The following CNTNAP2 variants were observed in gnomAD, a reference collection of about 807,000 sequenced individuals.
CNTNAP2 encodes contactin associated protein 2, also known as contactin-associated protein-like 2.
CNTNAP2 carries 98 observed loss-of-function variants against 155.2 expected under a neutral mutation model. The observed-to-expected ratio is 0.63, with a 90% CI of 0.54 to 0.75. The LOEUF (loss-of-function observed/expected upper bound fraction) is 0.75, where lower values mean the gene tolerates loss of function less well. Among genes scored for constraint, CNTNAP2 ranks in the 30% least tolerant of loss-of-function variants. The probability of loss-of-function intolerance (pLI) is 0.00; values close to 1 mark genes in which losing one functional copy is unlikely to be tolerated. For missense variants in CNTNAP2, 1,727 were observed against 1,688.1 expected, an observed-to-expected ratio of 1.02 and a Z score of -0.40; for synonymous variants, 651 against 631.2, an observed-to-expected ratio of 1.03 and a Z score of -0.47.
chr7:146,303,211 A>G (rs1391578155), intron 1 of CNTNAP2, among the ~76,000 whole-genome samples: 1 of 152,010 alleles, frequency 6.6e-6, no homozygotes, highest in Non-Finnish European at 1.5e-5. Flanking sequence ...AGAACACTAT[A>G]GGAAATGACA....
intron 8 of CNTNAP2, among the ~76,000 whole-genome samples, chr7:147,162,933 T>C (rs908262142): frequency 2.0e-5 from 3 of 152,174 alleles, no homozygotes; most frequent in Non-Finnish European, 4.4e-5. Flanking sequence ...GTTGTGTTCA[T>C]GTCTGCTCCA....
At chr7:146,821,625 G>C (rs1803285655) in intron 2 of CNTNAP2, among the ~76,000 whole-genome samples, 1 of 151,780 alleles carries the variant, frequency 6.6e-6, no homozygotes, top group African/African-American at 2.4e-5. Context: ...AAATTTACAA[G>C]AAAAAAACAA....
chr7:147,102,233 C>T (rs1800670727), intron 4 of CNTNAP2, among the ~76,000 whole-genome samples: 1 of 137,962 alleles, frequency 7.2e-6, no homozygotes, highest in Admixed American at 7.7e-5. Flanking sequence ...CTGCACAAAG[C>T]TCTATATTTC....
chr7:147,348,915 A>T (rs1339769808), intron 9 of CNTNAP2, among the ~76,000 whole-genome samples: 2 of 152,018 alleles, frequency 1.3e-5, no homozygotes, highest in Non-Finnish European at 2.9e-5. Flanking sequence ...GTTCTCACTC[A>T]TAAGTGCAAG....
intron 5 of CNTNAP2, among the ~76,000 whole-genome samples, chr7:147,114,646 T>C (rs1429768100): frequency 6.6e-6 from 1 of 152,230 alleles, no homozygotes; most frequent in African/African-American, 2.4e-5. Context: ...TGCTTTTTTC[T>C]GTTTTCCATT....
chr7:146,283,833 T>TA (rs1336476955), intron 1 of CNTNAP2, among the ~76,000 whole-genome samples: 1 of 152,158 alleles, frequency 6.6e-6, no homozygotes, highest in Non-Finnish European at 1.5e-5. Context: ...ATGGGTTGAC[T>TA]ACACACCTAT....
intron 18 of CNTNAP2, among the ~76,000 whole-genome samples, chr7:148,172,789 A>T (rs1448794735): frequency 6.6e-6 from 1 of 152,182 alleles, no homozygotes; most frequent in East Asian, 1.9e-4. Context: ...GGTGGCCTTC[A>T]AAAGGGGAAT....
intron 3 of CNTNAP2, among the ~76,000 whole-genome samples, chr7:146,990,556 T>G (rs1304611233): frequency 1.3e-5 from 2 of 152,156 alleles, no homozygotes; most frequent in Middle Eastern, 3.2e-3. Context: ...TGGCTGATTT[T>G]TTTTTCTCCC....
chr7:147,836,402 A>C (rs1487145020), intron 13 of CNTNAP2, among the ~76,000 whole-genome samples: 2 of 151,110 alleles, frequency 1.3e-5, no homozygotes, highest in Non-Finnish European at 1.5e-5. Flanking sequence ...ACATGCTAGG[A>C]CCCTTCTCAC....
intron 13 of CNTNAP2, among the ~76,000 whole-genome samples, chr7:147,699,552 A>G (rs1718765776): frequency 6.6e-6 from 1 of 152,116 alleles, no homozygotes; most frequent in Admixed American, 6.6e-5. Flanking sequence ...ATACCTATGT[A>G]ACAAACCTGC....
chr7:147,077,009 G>A (rs1451954303), intron 4 of CNTNAP2, among the ~76,000 whole-genome samples: 3 of 152,082 alleles, frequency 2.0e-5, no homozygotes, highest in South Asian at 2.1e-4. Context: ...CAACTGCTTC[G>A]TTTCCTCCCA....
intron 8 of CNTNAP2, among the ~76,000 whole-genome samples, chr7:147,198,115 C>A (rs935240613): frequency 2.0e-5 from 3 of 151,056 alleles, no homozygotes; most frequent in African/African-American, 7.3e-5. Context: ...TTAAAAATAT[C>A]TATTTAAAAC....
At chr7:147,224,008 CAA>C (rs1479974932) in intron 8 of CNTNAP2, among the ~76,000 whole-genome samples, 1 of 148,466 alleles carries the variant, frequency 6.7e-6, no homozygotes, top group African/African-American at 2.5e-5. Context: ...AGCAAGAAAT[CAA>C]AGAGAGTTGG....
intron 3 of CNTNAP2, among the ~76,000 whole-genome samples, chr7:147,025,958 C>T (rs1798911618): frequency 2.0e-5 from 3 of 151,790 alleles, no homozygotes; most frequent in Non-Finnish European, 4.4e-5. Flanking sequence ...CTCCTGGGCT[C>T]AAGCAATTCT....
At chr7:146,598,136 T>G (rs1010665933) in intron 1 of CNTNAP2, among the ~76,000 whole-genome samples, 1 of 152,096 alleles carries the variant, frequency 6.6e-6, no homozygotes, top group Non-Finnish European at 1.5e-5. Context: ...TTTGATGACT[T>G]GTCTCACTGT....
intron 13 of CNTNAP2, among the ~76,000 whole-genome samples, chr7:147,656,726 TG>T (rs1795530253): frequency 6.6e-6 from 1 of 151,954 alleles, no homozygotes; most frequent in South Asian, 2.1e-4. Flanking sequence ...ATTACCAGAG[TG>T]TGACAGAGAG....
At chr7:146,532,644 A>G (rs1797786304) in intron 1 of CNTNAP2, among the ~76,000 whole-genome samples, 1 of 152,180 alleles carries the variant, frequency 6.6e-6, no homozygotes, top group Non-Finnish European at 1.5e-5. Context: ...GCTTAATTCT[A>G]TATGGAAGTA....
At chr7:147,309,320 C>T (rs948696724) in intron 9 of CNTNAP2, among the ~76,000 whole-genome samples, 2 of 152,056 alleles carry the variant, frequency 1.3e-5, no homozygotes, top group Non-Finnish European at 2.9e-5. Context: ...CTTTTTCTAA[C>T]CAAATGACTA....
In CNTNAP2 at chr7:147,306,464, C is replaced by A. The variant is rs1448812542; in HGVS notation, c.1498+6174C>A. 2.0e-5 allele frequency among the ~76,000 whole-genome samples: 3 copies of A among 152,204 alleles called. No individual in the cohort carries two copies. The East Asian group carries it at 5.8e-4, about 29-fold the overall frequency. On this transcript the variant is annotated intron_variant, in intron 9 of 23. Coordinates refer to ENST00000361727, the MANE Select transcript of CNTNAP2 (RefSeq NM_014141.6). Reference sequence around the variant, plus strand: ...CTGCGTAGGACCACGTATAGAATTGCAAGGAAACCAATTTTAAAATTCTCC... The same window carrying A: ...CTGCGTAGGACCACGTATAGAATTGAAAGGAAACCAATTTTAAAATTCTCC...
Sources: gnomAD v4.1 joint callset for allele counts (sites outside exome capture counted in the v4.1 genomes callset) on GRCh38, gnomAD v4.1.1 for gene constraint, MANE v1.5 for transcripts, NCBI Gene and HGNC (gene_info 2026-07-23, HGNC 2026-07-21) for gene names.